AP4S1: variants seen among roughly 807,000 people sequenced by gnomAD.
The protein encoded by AP4S1 is AP-4 complex subunit sigma-1.
AP4S1 carries 23 observed loss-of-function variants against 19.8 expected under a neutral mutation model. The observed-to-expected ratio is 1.16, with a 90% CI of 0.84 to 1.65. The LOEUF (loss-of-function observed/expected upper bound fraction) is 1.65, where lower values mean the gene tolerates loss of function less well. Ranked by LOEUF, AP4S1 falls within the 40% of genes most tolerant of loss-of-function variation. The pLI is 0.00. For synonymous variants in AP4S1, 46 were observed against 54.1 expected (o/e 0.85, Z 0.66); for missense variants, 166 against 172.8 (o/e 0.96, Z 0.22).
Position 31,066,155 on chromosome 14 carries a change from C to G in AP4S1, c.-42C>G, listed in dbSNP as rs372255958. ...CAGTTACAGCCATCCCTTGTCATAA[C>G]TTTTGAACTGTATTTGGAAAAATAC... On this transcript the variant is annotated 5_prime_UTR_variant, in exon 2 of 6. Transcript: ENST00000542754. 7 of 1,607,724 alleles carry G rather than the reference C, an allele frequency of 4.4e-6. No individual in the cohort carries two copies. In the African/African-American group the frequency reaches 6.7e-5, roughly 15 times the overall value.
intron 2 of AP4S1, among the ~76,000 whole-genome samples, chr14:31,066,671 A>G (rs1008903395): frequency 6.6e-6 from 1 of 152,180 alleles, no homozygotes; most frequent in Admixed American, 6.6e-5. Flanking sequence ...TGAAACTCTC[A>G]TGAGTGCCTG....
At chr14:31,080,073 G>A (rs1388028459) in intron 4 of AP4S1, among the ~76,000 whole-genome samples, 1 of 152,038 alleles carries the variant, frequency 6.6e-6, no homozygotes, top group Non-Finnish European at 1.5e-5. Context: ...ATCATCATTT[G>A]TGGATATGCT....
intron 5 of AP4S1, chr14:31,084,965 G>A (rs1337383540): frequency 6.9e-6 from 11 of 1,596,370 alleles, no homozygotes; most frequent in East Asian, 2.2e-5. Flanking sequence ...CCTGCTCTAC[G>A]CGTGAAGGTA....
rs1244631769 is a variant in AP4S1 at position 31,093,225 on chromosome 14, A to G, written c.*190A>G. The G allele has an allele frequency of 2.1e-6, 1 of 483,982 alleles. No homozygotes were observed. Among genetic ancestry groups the G allele is most frequent in the Non-Finnish European group, 3.4e-6 (1 of 295,086 alleles). The allele number at this position is 483,982 out of a possible 1,614,324, so 30.0% of individuals were successfully genotyped here. A position where few individuals can be genotyped will look rare whatever the true frequency, so the allele number is the denominator to read the frequency against. On this transcript the variant is annotated 3_prime_UTR_variant, in exon 6 of 6. Transcript: ENST00000542754. ...CACAACTGTACTTTAAAATATGTAC[A>G]AAGAAAAAAATTTCTTTAAACTGAG... is the stretch of plus-strand genomic sequence containing the variant.
chr14:31,083,781 A>G (rs2139111959), intron 5 of AP4S1: 1 of 333,648 alleles, frequency 3.0e-6, no homozygotes, highest in South Asian at 2.4e-5. Flanking sequence ...AAGTGTTGAC[A>G]TTCTTAAAAG....
intron 1 of AP4S1, among the ~76,000 whole-genome samples, chr14:31,034,677 G>A (rs1231320639): frequency 6.8e-6 from 1 of 148,006 alleles, no homozygotes; most frequent in Admixed American, 6.8e-5. Context: ...GAGTGCAGTG[G>A]TGTGGTCTCG....
chr14:31,042,927 G>T (rs1419132314), intron 1 of AP4S1, among the ~76,000 whole-genome samples: 1 of 152,116 alleles, frequency 6.6e-6, no homozygotes, highest in African/African-American at 2.4e-5. Context: ...AAATTTTTCA[G>T]ATGTAGCTGG....
In AP4S1 at chr14:31,094,638, C is replaced by T; in HGVS notation, c.*1603C>T. 1 of 151,538 alleles carries T rather than the reference C, an allele frequency of 6.6e-6. No individual in the cohort carries two copies. The highest frequency in any genetic ancestry group is 1.5e-5 in the Non-Finnish European group (1 of 68,124). The allele number at this position is 151,538 out of a possible 1,614,324, so 9.4% of individuals were successfully genotyped here. On this transcript the variant is annotated 3_prime_UTR_variant, in exon 6 of 6. Coordinates refer to ENST00000542754, the MANE Select transcript of AP4S1 (RefSeq NM_001128126.3). ...GTGCGGTGGCTCAGGCCTGTAATCCCAACATTTTGGGGGGCCAAGCCAGGA... is the reference window on the plus strand; with the variant it reads ...GTGCGGTGGCTCAGGCCTGTAATCCTAACATTTTGGGGGGCCAAGCCAGGA...
chr14:31,069,165 T>C (rs1886871868), intron 2 of AP4S1, among the ~76,000 whole-genome samples: 1 of 152,118 alleles, frequency 6.6e-6, no homozygotes, highest in Admixed American at 6.6e-5. Flanking sequence ...ACTCAGCGCC[T>C]TCCCATAACT....
intron 1 of AP4S1, chr14:31,032,895 C>G (rs944738261): frequency 6.6e-6 from 1 of 152,184 alleles, no homozygotes; most frequent in African/African-American, 2.4e-5. Context: ...GAGTTCAAAT[C>G]AATTCACAAA....
At chr14:31,046,561 T>C (rs1408039238) in intron 1 of AP4S1, among the ~76,000 whole-genome samples, 1 of 152,108 alleles carries the variant, frequency 6.6e-6, no homozygotes, top group African/African-American at 2.4e-5. Context: ...GAAGTAGAAT[T>C]GCGGCCGGGC....
At chr14:31,025,979 C>T (rs1161536475) in intron 1 of AP4S1, 192 bp downstream of exon 1, 2 of 1,577,670 alleles carry the variant, frequency 1.3e-6, no homozygotes, top group Non-Finnish European at 8.6e-7. Flanking sequence ...GGATGTAGTG[C>T]AGTATCCCCG....
chr14:31,056,267 C>G (rs1481770839), intron 1 of AP4S1, among the ~76,000 whole-genome samples: 2 of 152,074 alleles, frequency 1.3e-5, no homozygotes, highest in Non-Finnish European at 2.9e-5. Context: ...TAGTGTACAG[C>G]AGCCTCAAAC....
chr14:31,070,219 C>T (rs2139057530), intron 3 of AP4S1, among the ~76,000 whole-genome samples: 1 of 152,186 alleles, frequency 6.6e-6, no homozygotes, highest in East Asian at 1.9e-4. Context: ...GTCTCGATCT[C>T]CTGACCTCAT....
chr14:31,040,614 C>G (rs1184480521), intron 1 of AP4S1, among the ~76,000 whole-genome samples: 1 of 151,970 alleles, frequency 6.6e-6, no homozygotes, highest in African/African-American at 2.4e-5. Context: ...AATCTATTTG[C>G]TTTGTATGTC....
intron 2 of AP4S1, among the ~76,000 whole-genome samples, chr14:31,067,158 A>G (rs925710031): frequency 2.0e-5 from 3 of 152,078 alleles, no homozygotes; most frequent in Admixed American, 2.0e-4. Flanking sequence ...CAGTGAGCCA[A>G]GATTGCTCCA....
intron 1 of AP4S1, among the ~76,000 whole-genome samples, chr14:31,036,421 C>CA (rs1188834805): frequency 1.2e-4 from 18 of 151,888 alleles, no homozygotes; most frequent in East Asian, 5.8e-4. Flanking sequence ...ATTTTCTTGG[C>CA]AAAAAAATGC....
At chr14:31,065,765 A>G (rs1257191970) in intron 1 of AP4S1, among the ~76,000 whole-genome samples, 1 of 152,130 alleles carries the variant, frequency 6.6e-6, no homozygotes, top group African/African-American at 2.4e-5. Context: ...GGTTCACACC[A>G]TTCCCCTGCC....
intron 2 of AP4S1, 72 bp downstream of exon 2, chr14:31,066,406 A>G: frequency 6.3e-7 from 1 of 1,580,602 alleles, no homozygotes; most frequent in Admixed American, 1.7e-5. Flanking sequence ...AGTGAGTCTC[A>G]GGGGCCATCA....
Sources: allele counts gnomAD v4.1 joint callset (sites outside exome capture counted in the v4.1 genomes callset), GRCh38; gene constraint gnomAD v4.1.1; transcripts MANE v1.5; gene names NCBI Gene and HGNC (gene_info 2026-07-23, HGNC 2026-07-21).